Variants in SLC7A6 observed in about 807,000 individuals in gnomAD.
SLC7A6 encodes solute carrier family 7 member 6.
A neutral mutation model predicts 46.6 loss-of-function variants in SLC7A6; 29 were observed. The observed-to-expected ratio is 0.62, with a 90% confidence interval of 0.46 to 0.85. The LOEUF (loss-of-function observed/expected upper bound fraction) is 0.85, where lower values mean the gene tolerates loss of function less well. Ranked by LOEUF, SLC7A6 falls within the 40% of genes least tolerant of loss-of-function variation. The pLI is 0.00. For missense variants in SLC7A6, 527 were observed against 647.6 expected (o/e 0.81, Z 2.02); for synonymous variants, 276 against 257.3 (o/e 1.07, Z -0.70).
intron 4 of SLC7A6, 70 bp downstream of exon 4, chr16:68,287,941 T>C: frequency 1.3e-6 from 2 of 1,575,044 alleles, no homozygotes; most frequent in Non-Finnish European, 1.7e-6. Flanking sequence ...GGCGACTCTG[T>C]TAGCTTCACT....
At chr16:68,268,143 TG>T (rs1719212782) in intron 2 of SLC7A6, among the ~76,000 whole-genome samples, 2 of 152,324 alleles carry the variant, frequency 1.3e-5, no homozygotes, top group East Asian at 3.9e-4. Flanking sequence ...TTAATTGAAC[TG>T]AAAGAGGAGT....
chr16:68,266,133 A>G (rs1378709116), intron 1 of SLC7A6, among the ~76,000 whole-genome samples: 1 of 151,916 alleles, frequency 6.6e-6, no homozygotes, highest in Non-Finnish European at 1.5e-5. Context: ...GGTGGTGGGC[A>G]CCTGTAGTCC....
rs1276880631 is a variant in SLC7A6 at position 68,264,744 on chromosome 16, GA to G, written c.-166+169del. 6.6e-6 allele frequency: 1 copy of G among 152,426 alleles called. No individual in the cohort carries two copies. Among genetic ancestry groups the G allele is most frequent in the Non-Finnish European group, 1.5e-5 (1 of 68,192 alleles). 9.4% of individuals were successfully genotyped at this position (152,426 alleles called of 1,614,324 possible). On this transcript the variant is annotated intron_variant, in intron 1 of 10. Transcript: ENST00000219343. This position sits in a 1 kb window ranked among gnomAD's most constrained non-coding sequence, Gnocchi z 5.8. ...GGGCCGCGCGAGAGGCGCTGCGGGT[GA>G]GGGGGGGCGCCACGAGGAGAGAGGG...
intron 7 of SLC7A6, 101 bp downstream of exon 7, chr16:68,291,762 GGT>G (rs10525504): frequency 0.036 from 19,765 of 543,892 alleles, 91 homozygotes; most frequent in African/African-American, 0.064. Context: ...GGGCATATAG[GGT>G]GTGTGTGTGT....
At chr16:68,280,995 A>T (rs1179539326) in intron 3 of SLC7A6, among the ~76,000 whole-genome samples, 1 of 152,172 alleles carries the variant, frequency 6.6e-6, no homozygotes, top group African/African-American at 2.4e-5. Flanking sequence ...GGCCTCCCAA[A>T]GTGCTGGGAT....
At chr16:68,290,568 C>T (rs756770763) in intron 5 of SLC7A6, 28 bp downstream of exon 5, 17 of 1,613,550 alleles carry the variant, frequency 1.1e-5, no homozygotes, top group Non-Finnish European at 1.3e-5. Flanking sequence ...CTCTCACTCC[C>T]CAGCTTGGCT....
rs1345524611 is a variant in SLC7A6, at chr16:68,300,562, C to T, written c.*3234C>T. ...CAATGCTGAACCTTCTATTTCACTACCGCTCCCTGTTTTAGATATTCAGAT... is the reference window on the plus strand; with the variant it reads ...CAATGCTGAACCTTCTATTTCACTATCGCTCCCTGTTTTAGATATTCAGAT... On this transcript the variant is annotated 3_prime_UTR_variant, in exon 11 of 11. Coordinates refer to ENST00000219343, the MANE Select transcript of SLC7A6 (RefSeq NM_003983.6). 2 of 946,538 alleles carry T rather than the reference C, an allele frequency of 2.1e-6. No individual in the cohort carries two copies. The highest frequency in any genetic ancestry group is 1.2e-4 in the East Asian group (1 of 8,654). 58.6% of individuals were successfully genotyped at this position (946,538 alleles called of 1,614,324 possible).
In SLC7A6 at chr16:68,287,823, G is replaced by A. The variant is rs546003282; in HGVS notation, c.601G>A (p.Val201Ile). 28 of 1,614,220 alleles carry A rather than the reference G, an allele frequency of 1.7e-5. No individual in the cohort carries two copies. Among genetic ancestry groups the A allele is most frequent in the Admixed American group, 1.0e-4 (6 of 60,028 alleles). ...VQDTFTYAKV[V>I]ALIAIIVMGL... ...GGACACGTTCACTTACGCCAAGGTC[G>A]TAGCGCTCATTGCCATCATTGTCAT... The change falls in exon 4 of 11, where the codon GTA becomes ATA. Residue 201 changes from valine (V) to isoleucine (I), a missense_variant. Coordinates refer to ENST00000219343, the MANE Select transcript of SLC7A6 (RefSeq NM_003983.6).
chr16:68,287,694 C>T, intron 3 of SLC7A6, 52 bp from the exon 4 acceptor site: 1 of 1,594,174 alleles, frequency 6.3e-7, no homozygotes, highest in Middle Eastern at 1.7e-4. Flanking sequence ...AGGGGTTGGG[C>T]CCCTGTGCCC....
chr16:68,267,375 G>T (rs181081626), intron 2 of SLC7A6, among the ~76,000 whole-genome samples: 5 of 151,162 alleles, frequency 3.3e-5, no homozygotes, highest in Middle Eastern at 6.8e-3. Flanking sequence ...CACCATGCCC[G>T]GACAATTTTT....
intron 2 of SLC7A6, among the ~76,000 whole-genome samples, chr16:68,267,888 C>T (rs1233844963): frequency 6.6e-6 from 1 of 152,158 alleles, no homozygotes; most frequent in Non-Finnish European, 1.5e-5. Context: ...CTTAATCACT[C>T]ATGCCTATGT....
intron 4 of SLC7A6, chr16:68,289,967 T>C (rs1376889425): frequency 6.1e-6 from 1 of 164,800 alleles, no homozygotes; most frequent in Non-Finnish European, 1.3e-5. Flanking sequence ...CTCCTTCATG[T>C]GAAATGGGGT....
At chr16:68,274,642 A>T (rs1423988449) in intron 2 of SLC7A6, 49 bp from the exon 3 acceptor site, 1 of 1,506,992 alleles carries the variant, frequency 6.6e-7, no homozygotes, top group Non-Finnish European at 9.0e-7. Context: ...GTCTAAATAG[A>T]GCCTCACCAG....
chr16:68,268,529 T>C (rs2042572177), intron 2 of SLC7A6, among the ~76,000 whole-genome samples: 1 of 152,244 alleles, frequency 6.6e-6, no homozygotes, highest in African/African-American at 2.4e-5. Context: ...AAACTTCCTT[T>C]GTAATCGAGC....
At chr16:68,293,970 T>G (rs568530341) in intron 7 of SLC7A6, among the ~76,000 whole-genome samples, 1 of 152,280 alleles carries the variant, frequency 6.6e-6, no homozygotes, top group East Asian at 1.9e-4. Flanking sequence ...CGATCTCGGC[T>G]CACTGCAACC....
chr16:68,282,547 T>C (rs559254301), intron 3 of SLC7A6, among the ~76,000 whole-genome samples: 4 of 152,208 alleles, frequency 2.6e-5, no homozygotes, highest in African/African-American at 9.7e-5. Flanking sequence ...CCCTGGAGTG[T>C]TGGAGAGCAT....
Position 68,275,220 on chromosome 16 carries a change from C to G in SLC7A6, c.494C>G (p.Ala165Gly). 6.2e-7 allele frequency: 1 copy of G among 1,613,038 alleles called. No individual in the cohort carries two copies. Among genetic ancestry groups the G allele is most frequent in the Non-Finnish European group, 8.5e-7 (1 of 1,179,364 alleles). Residue 165 changes from alanine to glycine, a missense_variant, in exon 3 of 11, where the codon GCC becomes GGC. Physicochemically the swap from Ala to Gly is moderately conservative, Grantham distance 60 (BLOSUM62 0). Transcript: ENST00000219343. ...SFPSCDPPYL[A>G]CRLLAAACIC... ...CCCAGCTGTGATCCCCCATACCTGG[C>G]CTGCCGTCTCCTGGCTGCTGCTTGC...
chr16:68,286,348 A>G (rs2042932689), intron 3 of SLC7A6, among the ~76,000 whole-genome samples: 4 of 152,016 alleles, frequency 2.6e-5, no homozygotes, highest in Non-Finnish European at 5.9e-5. Context: ...AGGAAGAGGA[A>G]GTGGGGGCTG....
intron 3 of SLC7A6, among the ~76,000 whole-genome samples, chr16:68,283,363 T>C (rs1229805627): frequency 6.6e-6 from 1 of 152,202 alleles, no homozygotes; most frequent in Non-Finnish European, 1.5e-5. Flanking sequence ...AGGATGGTTA[T>C]TGAAGCTCTA....
Sources: allele counts gnomAD v4.1 joint callset (sites outside exome capture counted in the v4.1 genomes callset), GRCh38; gene constraint gnomAD v4.1.1; non-coding constraint Gnocchi (gnomAD v3.1); transcripts MANE v1.5; gene names NCBI Gene and HGNC (gene_info 2026-07-23, HGNC 2026-07-21).